Variants in RFTN2 observed in about 807,000 individuals in gnomAD.
RFTN2 encodes the protein raftlin-2.
A neutral mutation model predicts 52.7 loss-of-function variants in RFTN2; 34 were observed. That is an observed-to-expected ratio of 0.64 (90% confidence interval 0.49 to 0.86). The LOEUF is 0.86. RFTN2 is among the 40% of genes least tolerant of loss of function. The probability of loss-of-function intolerance (pLI) is 0.00; values close to 1 mark genes in which losing one functional copy is unlikely to be tolerated. For missense variants in RFTN2, 536 were observed against 600.1 expected, an observed-to-expected ratio of 0.89 and a Z score of 1.12; for synonymous variants, 203 against 217.7, an observed-to-expected ratio of 0.93 and a Z score of 0.59.
At chr2:197,634,029 T>G in intron 3 of RFTN2, 32 bp from the exon 4 acceptor site, 1 of 1,557,398 alleles carries the variant, frequency 6.4e-7, no homozygotes, top group Non-Finnish European at 8.7e-7. Flanking sequence ...CAGAACAAAA[T>G]GTAAACTCTA....
At chr2:197,665,603 T>G (rs2089044762) in intron 1 of RFTN2, among the ~76,000 whole-genome samples, 1 of 148,922 alleles carries the variant, frequency 6.7e-6, no homozygotes, top group Admixed American at 6.8e-5. Context: ...CACTTCTGGT[T>G]TCCATTTACA....
At chr2:197,578,507 A>G (rs2087454774) in intron 8 of RFTN2, among the ~76,000 whole-genome samples, 1 of 152,128 alleles carries the variant, frequency 6.6e-6, no homozygotes, top group Non-Finnish European at 1.5e-5. Context: ...TTCCTGCCTT[A>G]ACTGATGACA....
chr2:197,591,155 T>A (rs2087706600), intron 8 of RFTN2, among the ~76,000 whole-genome samples: 1 of 152,176 alleles, frequency 6.6e-6, no homozygotes, highest in African/African-American at 2.4e-5. Flanking sequence ...CTAGATTAGC[T>A]AAATACAGAG....
chr2:197,601,710 T>C (rs1444900810), intron 7 of RFTN2, among the ~76,000 whole-genome samples: 3 of 152,158 alleles, frequency 2.0e-5, no homozygotes, highest in Non-Finnish European at 2.9e-5. Flanking sequence ...AATTCCAGAT[T>C]TTTATTTAGC....
chr2:197,661,393 G>C (rs908083853), intron 1 of RFTN2, among the ~76,000 whole-genome samples: 1 of 151,664 alleles, frequency 6.6e-6, no homozygotes, highest in African/African-American at 2.4e-5. Flanking sequence ...ACCATGTTTT[G>C]GTAGTTTTTA....
chr2:197,598,277 G>A lies in RFTN2; in HGVS notation c.1155-2208C>T, dbSNP rs1486638760. 3.9e-5 allele frequency among the ~76,000 whole-genome samples: 6 copies of A among 152,032 alleles called. 1 individual carries two copies. Among genetic ancestry groups the A allele is most frequent in the Admixed American group, 2.6e-4 (4 of 15,246 alleles). On this transcript the variant is annotated intron_variant, in intron 7 of 8. Coordinates refer to ENST00000295049, the MANE Select transcript of RFTN2 (RefSeq NM_144629.3). ...GAGGGTGCAGTGAGCTATTGATCAC[G>A]CCACTGAACTCTACCATGGGTGACA...
chr2:197,630,478 C>T (rs1046066796), intron 5 of RFTN2, among the ~76,000 whole-genome samples: 9 of 151,998 alleles, frequency 5.9e-5, no homozygotes, highest in African/African-American at 1.4e-4. Flanking sequence ...TAATTACATA[C>T]TCCACTGTAA....
intron 4 of RFTN2, 94 bp downstream of exon 4, chr2:197,633,624 C>A: frequency 1.1e-6 from 1 of 916,638 alleles, no homozygotes; most frequent in Non-Finnish European, 1.7e-6. Flanking sequence ...TAATCTTTAG[C>A]AATTTACTTT....
chr2:197,645,277 G>A (rs906825867), intron 2 of RFTN2, among the ~76,000 whole-genome samples: 4 of 152,046 alleles, frequency 2.6e-5, no homozygotes, highest in Non-Finnish European at 4.4e-5. Context: ...GTATTCAGTC[G>A]GTAACAGACT....
chr2:197,638,620 A>T (rs2088609204), intron 3 of RFTN2, among the ~76,000 whole-genome samples: 1 of 145,152 alleles, frequency 6.9e-6, no homozygotes, highest in South Asian at 2.3e-4. Context: ...TTTTATTTTG[A>T]GCCTATGTGT....
intron 1 of RFTN2, among the ~76,000 whole-genome samples, chr2:197,649,120 T>G (rs2088791530): frequency 6.6e-6 from 1 of 152,160 alleles, no homozygotes; most frequent in African/African-American, 2.4e-5. Flanking sequence ...ATAAAAAAAG[T>G]TAGGTTAGCA....
chr2:197,600,908 A>C (rs922235538), intron 7 of RFTN2, among the ~76,000 whole-genome samples: 9 of 152,216 alleles, frequency 5.9e-5, no homozygotes, highest in African/African-American at 1.9e-4. Flanking sequence ...ATAGTAATTT[A>C]AATTCTGAAA....
intron 8 of RFTN2, among the ~76,000 whole-genome samples, chr2:197,586,920 T>C (rs1220997045): frequency 4.6e-5 from 7 of 152,056 alleles, no homozygotes; most frequent in Non-Finnish European, 1.0e-4. Context: ...TAAGACAACA[T>C]AAAAAAACTC....
At chr2:197,656,316 GA>G (rs1449922998) in intron 1 of RFTN2, among the ~76,000 whole-genome samples, 4 of 152,218 alleles carry the variant, frequency 2.6e-5, no homozygotes, top group Non-Finnish European at 5.9e-5. Flanking sequence ...TGTAGAAAGA[GA>G]GGCAGTACAC....
chr2:197,648,204 T>A (rs546384256), intron 1 of RFTN2, among the ~76,000 whole-genome samples: 114 of 152,260 alleles, frequency 7.5e-4, no homozygotes, highest in African/African-American at 2.6e-3. Context: ...TACATCAGTA[T>A]CCACATGATG....
chr2:197,631,879 T>C (rs1039875533), intron 4 of RFTN2, among the ~76,000 whole-genome samples: 2 of 152,176 alleles, frequency 1.3e-5, no homozygotes, highest in African/African-American at 4.8e-5. Context: ...AAGCTTAACA[T>C]CACCGGTATG....
chr2:197,572,347 G>C (rs2087333521), intron 8 of RFTN2, 67 bp from the exon 9 acceptor site: 5 of 1,476,296 alleles, frequency 3.4e-6, no homozygotes, highest in Non-Finnish European at 3.8e-6. Context: ...CTCTGGTCTA[G>C]CACATGCTGC....
At chr2:197,661,611 A>G (rs184438966) in intron 1 of RFTN2, among the ~76,000 whole-genome samples, 49 of 152,276 alleles carry the variant, frequency 3.2e-4, no homozygotes, top group African/African-American at 1.2e-3. Context: ...GAGTGCAAGT[A>G]TCCCTTTGAT....
intron 1 of RFTN2, among the ~76,000 whole-genome samples, chr2:197,659,692 C>T (rs2088949664): frequency 6.6e-6 from 1 of 151,832 alleles, no homozygotes; most frequent in Non-Finnish European, 1.5e-5. Flanking sequence ...TGGCGTGTGC[C>T]TGTAATCCCA....
Sources: allele counts gnomAD v4.1 joint callset (sites outside exome capture counted in the v4.1 genomes callset), GRCh38; gene constraint gnomAD v4.1.1; transcripts MANE v1.5; gene names NCBI Gene and HGNC (gene_info 2026-07-23, HGNC 2026-07-21).